The following OARD1 variants were observed in gnomAD, a reference collection of about 807,000 sequenced individuals.
OARD1 encodes O-acyl-ADP-ribose deacylase 1, also known as ADP-ribose glycohydrolase OARD1.
OARD1 carries 19 observed loss-of-function variants against 19.7 expected under a neutral mutation model. That is an observed-to-expected ratio of 0.96 (90% CI 0.67 to 1.41). The LOEUF (loss-of-function observed/expected upper bound fraction) is 1.41, where lower values mean the gene tolerates loss of function less well. OARD1 is among the 40% of genes most tolerant of loss of function. OARD1 has a pLI of 0.00. For synonymous variants in OARD1, 70 were observed against 61.8 expected (o/e 1.13, Z -0.62); for missense variants, 190 against 183.8 (o/e 1.03, Z -0.20).
intron 1 of OARD1, chr6:41,080,665 C>A: frequency 1.7e-6 from 1 of 578,416 alleles, no homozygotes; most frequent in Non-Finnish European, 3.0e-6. Context: ...CTACCTTCAA[C>A]AAAACAGCTT....
upstream of OARD1, chr6:41,072,660 G>C (rs982915055): frequency 3.3e-5 from 5 of 152,410 alleles, no homozygotes; most frequent in African/African-American, 1.2e-4. Context: ...AGCCGCAGGG[G>C]TGTGTCCTAG....
intron 1 of OARD1, among the ~76,000 whole-genome samples, chr6:41,078,698 A>G (rs1763811608): frequency 6.6e-6 from 1 of 152,238 alleles, no homozygotes; most frequent in African/African-American, 2.4e-5. Context: ...TCTAAAGTAT[A>G]TGTGCAAACC....
chr6:41,082,345 T>C (rs1763933264), intron 1 of OARD1, among the ~76,000 whole-genome samples: 1 of 152,254 alleles, frequency 6.6e-6, no homozygotes, highest in South Asian at 2.1e-4. Flanking sequence ...ATCTTACTCA[T>C]ATATAAAACA....
At chr6:41,073,503 C>T (rs141533107), upstream of OARD1, among the ~76,000 whole-genome samples, 7 of 152,208 alleles carry the variant, frequency 4.6e-5, no homozygotes, top group Non-Finnish European at 5.9e-5. Context: ...CAAACTTAAA[C>T]CTGCCCTTGC....
At chr6:41,084,711 C>A (rs982580219) in intron 1 of OARD1, among the ~76,000 whole-genome samples, 22 of 152,314 alleles carry the variant, frequency 1.4e-4, no homozygotes, top group African/African-American at 5.3e-4. Flanking sequence ...GCCTGTGATC[C>A]CAGCACTTGG....
rs1021533340 is a variant in OARD1, at chr6:41,066,807, T to C, written c.*528A>G. The stretch of plus-strand genomic sequence containing the variant: ...AGAACCTCACTAACTCCCCAAATTT[T>C]TATTTTTCCATTTTTATCACCACAA... On this transcript the variant is annotated 3_prime_UTR_variant, in exon 6 of 6. Transcript: ENST00000424266. The C allele has an allele frequency of 1.3e-5, 2 of 152,284 alleles. No individual in the cohort carries two copies. The highest frequency in any genetic ancestry group is 4.8e-5 in the African/African-American group (2 of 41,462). The allele number at this position is 152,284 out of a possible 1,614,324, so 9.4% of individuals were successfully genotyped here.
chr6:41,088,365 G>A (rs1192805788), intron 1 of OARD1, among the ~76,000 whole-genome samples: 1 of 143,738 alleles, frequency 7.0e-6, no homozygotes, highest in Non-Finnish European at 1.5e-5. Context: ...GGAGCTTGCA[G>A]TGAGCCAAGA....
chr6:41,083,164 G>C (rs1445189735), intron 1 of OARD1, among the ~76,000 whole-genome samples: 1 of 152,168 alleles, frequency 6.6e-6, no homozygotes, highest in Non-Finnish European at 1.5e-5. Flanking sequence ...CTTTTAAAGT[G>C]CTTCCAGAAA....
chr6:41,084,746 T>C (rs1763995608), intron 1 of OARD1, among the ~76,000 whole-genome samples: 1 of 152,238 alleles, frequency 6.6e-6, no homozygotes, highest in African/African-American at 2.4e-5. Flanking sequence ...GTGGATCACT[T>C]GAGGCCAGGA....
upstream of OARD1, chr6:41,075,672 C>T (rs1420220441): frequency 1.3e-5 from 2 of 151,712 alleles, no homozygotes; most frequent in Non-Finnish European, 2.9e-5. Context: ...CTTTCTCACA[C>T]TTAAGACCAG....
At chr6:41,075,008 C>T (rs1763695029), upstream of OARD1, among the ~76,000 whole-genome samples, 1 of 151,434 alleles carries the variant, frequency 6.6e-6, no homozygotes, top group African/African-American at 2.4e-5. Flanking sequence ...ACTCGTATTC[C>T]AGTGCTCTTT....
At chr6:41,070,497 TTACA>T (rs1763279557) in intron 3 of OARD1, among the ~76,000 whole-genome samples, 1 of 152,196 alleles carries the variant, frequency 6.6e-6, no homozygotes, top group African/African-American at 2.4e-5. Context: ...AATTATCTTT[TTACA>T]TACAAAGAGC....
intron 1 of OARD1, among the ~76,000 whole-genome samples, chr6:41,081,284 T>C (rs1262412270): frequency 5.3e-5 from 8 of 152,012 alleles, no homozygotes; most frequent in Non-Finnish European, 1.0e-4. Flanking sequence ...GGTCAGGAGA[T>C]CGAGACCATC....
At chr6:41,088,535 T>C (rs1349934333) in intron 1 of OARD1, among the ~76,000 whole-genome samples, 1 of 152,156 alleles carries the variant, frequency 6.6e-6, no homozygotes, top group Non-Finnish European at 1.5e-5. Flanking sequence ...CAAGGTGTTG[T>C]CCTGGGCTGC....
intron 1 of OARD1, chr6:41,091,466 G>C: frequency 1.3e-6 from 2 of 1,526,684 alleles, no homozygotes; most frequent in Non-Finnish European, 1.8e-6. Flanking sequence ...GACTAACTAT[G>C]TTCCCTTCTT....
rs1561839548 is a variant in OARD1 at position 41,065,892 on chromosome 6, T to C, written c.*1443A>G. On this transcript the variant is annotated 3_prime_UTR_variant, in exon 6 of 6. Transcript: ENST00000424266. ...AAATCAATAGCAAGTCTGGCTGTTT[T>C]AACTCTCAACACCACTGTAAGGGAA... 1 of 152,260 alleles carries C rather than the reference T, an allele frequency of 6.6e-6. No homozygotes were observed. Among genetic ancestry groups the C allele is most frequent in the African/African-American group, 2.4e-5 (1 of 41,466 alleles). 9.4% of individuals were successfully genotyped at this position (152,260 alleles called of 1,614,324 possible). A position where few individuals can be genotyped will look rare whatever the true frequency, so the allele number is the denominator to read the frequency against.
chr6:41,088,169 AGCACTTTGGGT>A (rs1251108455), intron 1 of OARD1, among the ~76,000 whole-genome samples: 2 of 152,114 alleles, frequency 1.3e-5, no homozygotes, highest in Non-Finnish European at 2.9e-5. Context: ...CTGTAATCCC[AGCACTTTGGGT>A]GGCCGAGGCG....
intron 4 of OARD1, chr6:41,069,249 G>A (rs2294696): frequency 0.38 from 79,460 of 207,660 alleles, 15,845 homozygotes; most frequent in African/African-American, 0.52. Flanking sequence ...AAGCAAGGTA[G>A]GTGAAGTCTC....
Position 41,070,838 on chromosome 6 carries a change from G to A in OARD1, c.184+294C>T, listed in dbSNP as rs1459670477. The A allele has an allele frequency of 1.6e-5, 9 of 573,992 alleles. No homozygotes were observed. The South Asian group carries it at 1.8e-4, about 11-fold the overall frequency. 35.6% of individuals were successfully genotyped at this position (573,992 alleles called of 1,614,324 possible). On this transcript the variant is annotated intron_variant, in intron 3 of 5. Transcript: ENST00000424266. ...GAAAGCAGAATATTGGTAAGTAAAG[G>A]ATCTTGAATGCCAACCTATAGACTA...
Sources: gnomAD v4.1 joint callset for allele counts (sites outside exome capture counted in the v4.1 genomes callset) on GRCh38, gnomAD v4.1.1 for gene constraint, MANE v1.5 for transcripts, NCBI Gene and HGNC (gene_info 2026-07-23, HGNC 2026-07-21) for gene names.